Variants in COL4A4 observed in about 807,000 individuals in gnomAD.
COL4A4 encodes the protein collagen alpha-4(IV) chain.
In COL4A4, 105 loss-of-function variants were observed where a neutral mutation model predicts 192.9. The observed-to-expected ratio is 0.54, with a 90% confidence interval of 0.46 to 0.64. COL4A4 has a LOEUF of 0.64. Ranked by LOEUF, COL4A4 falls within the 30% of genes least tolerant of loss-of-function variation. The pLI is 0.00. For missense variants in COL4A4, 1,967 were observed against 2,169.3 expected (o/e 0.91, Z 1.85); for synonymous variants, 762 against 769.9 (o/e 0.99, Z 0.17).
Position 227,024,875 on chromosome 2 carries a change from G to A in COL4A4, c.4090+927C>T, listed in dbSNP as rs567191172. 1.3e-4 allele frequency among the ~76,000 whole-genome samples: 20 copies of A among 152,342 alleles called. No homozygotes were observed. The South Asian group carries it at 2.9e-3, about 22-fold the overall frequency. On this transcript the variant is annotated intron_variant, in intron 43 of 47. Transcript: ENST00000396625. ...ATGTCTGGCCCTTCCCAGTGGGAAC[G>A]GAGTTCAGAAAGTGGGAGCATGTGT...
intron 43 of COL4A4, 69 bp from the exon 44 acceptor site, chr2:227,022,242 G>A (rs182901785): frequency 2.5e-6 from 4 of 1,577,732 alleles, no homozygotes; most frequent in African/African-American, 1.3e-5. Context: ...TACAGTCTCT[G>A]GTTAAAGTTG....
chr2:227,149,072 C>A (rs573651620), intron 1 of COL4A4, among the ~76,000 whole-genome samples: 2 of 152,092 alleles, frequency 1.3e-5, no homozygotes, highest in African/African-American at 4.8e-5. Context: ...TGGTCTTGAA[C>A]TCCTGACCTC....
intron 22 of COL4A4, among the ~76,000 whole-genome samples, chr2:227,085,136 A>AG (rs1449846218): frequency 7.2e-6 from 1 of 139,550 alleles, no homozygotes; most frequent in African/African-American, 2.6e-5. Context: ...CACCAAAAAA[A>AG]AAAACAAAAG....
chr2:227,145,681 C>T (rs2063503780), intron 2 of COL4A4, among the ~76,000 whole-genome samples: 1 of 152,170 alleles, frequency 6.6e-6, no homozygotes, highest in Non-Finnish European at 1.5e-5. Context: ...TCTAAAACCT[C>T]ATGTCCTAAG....
chr2:226,983,540 G>T, the COL4A4 span, among the ~76,000 whole-genome samples: 1 of 152,178 alleles, frequency 6.6e-6, no homozygotes, highest in Non-Finnish European at 1.5e-5. Context: ...ACCTAAACTT[G>T]ACCACTCGGG....
At chr2:227,041,751 G>GGA in intron 37 of COL4A4, among the ~76,000 whole-genome samples, 1 of 112,324 alleles carries the variant, frequency 8.9e-6, no homozygotes, top group African/African-American at 3.6e-5. Flanking sequence ...AGGAAGGAAG[G>GGA]AAGGAAGGAA....
At chr2:227,061,754 T>C (rs1231552006) in intron 26 of COL4A4, among the ~76,000 whole-genome samples, 1 of 152,222 alleles carries the variant, frequency 6.6e-6, no homozygotes, top group African/African-American at 2.4e-5. Flanking sequence ...TTGGATTTAA[T>C]TCATCTAAAA....
Position 227,046,967 on chromosome 2 carries a change from G to A in COL4A4, c.3289+508C>T, listed in dbSNP as rs114493676. Among the ~76,000 whole-genome samples, 874 of 151,792 alleles carry A rather than the reference G, an allele frequency of 5.8e-3. 24 individuals carry two copies. The highest frequency in any genetic ancestry group is 0.021 in the African/African-American group (844 of 41,082). ...TTGGTGATGAGGTTTATGTTTGCTT[G>A]ATTTGGTTTGATTTTTAGTAAATTA... On this transcript the variant is annotated intron_variant, in intron 35 of 47. Coordinates refer to ENST00000396625, the MANE Select transcript of COL4A4 (RefSeq NM_000092.5).
chr2:226,977,707 T>C, the COL4A4 span, among the ~76,000 whole-genome samples: 1 of 152,228 alleles, frequency 6.6e-6, no homozygotes, highest in African/African-American at 2.4e-5. Context: ...GCAGCCCCTA[T>C]ATCAGGCTGC....
Position 227,007,965 on chromosome 2 carries a change from A to G in COL4A4, c.4809+53T>C, listed in dbSNP as rs901921511. 1.9e-6 allele frequency: 3 copies of G among 1,584,232 alleles called. No individual in the cohort carries two copies. The South Asian group carries it at 3.3e-5, about 18-fold the overall frequency. ...CCAATCCAGAGAGAAATGGCGGGAG[A>G]AGGTGTTAGGAAATGGTGAATGAGC... On this transcript the variant is annotated intron_variant, in intron 47 of 47. Coordinates refer to ENST00000396625, the MANE Select transcript of COL4A4 (RefSeq NM_000092.5).
chr2:227,023,558 T>A (rs2149872838), intron 43 of COL4A4, among the ~76,000 whole-genome samples: 1 of 152,240 alleles, frequency 6.6e-6, no homozygotes, highest in South Asian at 2.1e-4. Context: ...CCTGCAAACA[T>A]CACAGAGGGA....
intron 37 of COL4A4, among the ~76,000 whole-genome samples, chr2:227,034,556 T>C (rs1445632917): frequency 6.9e-6 from 1 of 144,820 alleles, no homozygotes; most frequent in African/African-American, 2.7e-5. Context: ...TTTTTTTTAA[T>C]TAATTAATTA....
Position 227,104,045 on chromosome 2 carries a change from A to G in COL4A4, c.743T>C (p.Val248Ala), listed in dbSNP as rs754031227. 10 of 1,612,754 alleles carry G rather than the reference A, an allele frequency of 6.2e-6. No homozygotes were observed. In the Admixed American group the frequency reaches 1.7e-4, roughly 27 times the overall value. Residue 248 changes from valine to alanine, a missense_variant, in exon 13 of 48, where the codon GTT becomes GCT. Physicochemically the swap from Val to Ala is moderately conservative, Grantham distance 64. Transcript: ENST00000396625. Reference protein sequence around the residue: ...VKGQMGDPGEVGQQGSPGPTL... With the variant: ...VKGQMGDPGEAGQQGSPGPTL... ...GGGTCCAGGAGAACCTTGCTGACCA[A>G]CCTCACCCTTAAAAAAAAAAGCAAG...
At chr2:227,147,989 T>TA (rs2063660119) in intron 1 of COL4A4, among the ~76,000 whole-genome samples, 1 of 152,092 alleles carries the variant, frequency 6.6e-6, no homozygotes, top group African/African-American at 2.4e-5. Context: ...AAAAGGAAAC[T>TA]TCTAGTATAC....
At chr2:227,161,774 C>G (rs530949868) in intron 1 of COL4A4, among the ~76,000 whole-genome samples, 4 of 152,082 alleles carry the variant, frequency 2.6e-5, no homozygotes, top group Non-Finnish European at 5.9e-5. Context: ...GCTGCTGGTC[C>G]CAAGGGATGC....
downstream of COL4A4, among the ~76,000 whole-genome samples, chr2:227,002,168 C>CAAA (rs55908824): frequency 1.4e-4 from 11 of 76,166 alleles, no homozygotes; most frequent in Admixed American, 3.1e-4. Flanking sequence ...GACCCTGTCT[C>CAAA]AAAAAAAAAA....
chr2:227,097,226 A>G (rs1004845402), intron 19 of COL4A4, among the ~76,000 whole-genome samples: 1 of 152,190 alleles, frequency 6.6e-6, no homozygotes, highest in Non-Finnish European at 1.5e-5. Flanking sequence ...ATCTTGCAGT[A>G]TTGTCCACCC....
intron 25 of COL4A4, among the ~76,000 whole-genome samples, chr2:227,065,843 T>C (rs1576268800): frequency 6.6e-6 from 1 of 152,190 alleles, no homozygotes; most frequent in East Asian, 1.9e-4. Flanking sequence ...GGAACGAAGT[T>C]CCTCGCCAGC....
chr2:227,071,051 T>C (rs543341017), intron 25 of COL4A4, among the ~76,000 whole-genome samples: 12 of 151,930 alleles, frequency 7.9e-5, no homozygotes, highest in Admixed American at 2.0e-4. Flanking sequence ...AAGAGAACAA[T>C]ACCTCACATC....
Sources: gnomAD v4.1 joint callset for allele counts (sites outside exome capture counted in the v4.1 genomes callset) on GRCh38, gnomAD v4.1.1 for gene constraint, MANE v1.5 for transcripts, NCBI Gene and HGNC (gene_info 2026-07-23, HGNC 2026-07-21) for gene names.